The following PRKCE variants were observed in gnomAD, a reference collection of about 807,000 sequenced individuals.
PRKCE encodes protein kinase C epsilon, also known as protein kinase C epsilon type.
In PRKCE, 16 loss-of-function variants were observed where a neutral mutation model predicts 85.4. The ratio of observed to expected loss-of-function variants is 0.19; its 90% CI spans 0.13 to 0.28. PRKCE has a LOEUF of 0.28. Ranked by LOEUF, PRKCE falls within the 10% of genes least tolerant of loss-of-function variation. PRKCE has a pLI of 1.00. For synonymous variants in PRKCE, 388 were observed against 371.5 expected (o/e 1.04, Z -0.51); for missense variants, 573 against 975.2 (o/e 0.59, Z 5.49).
At chr2:45,880,152 A>G (rs1694774608) in intron 2 of PRKCE, among the ~76,000 whole-genome samples, 1 of 152,182 alleles carries the variant, frequency 6.6e-6, no homozygotes, top group South Asian at 2.1e-4. Flanking sequence ...TATTTCACTT[A>G]GTGTCCTCCA....
chr2:46,098,308 T>C (rs1221349587), intron 11 of PRKCE, among the ~76,000 whole-genome samples: 3 of 151,576 alleles, frequency 2.0e-5, no homozygotes, highest in Non-Finnish European at 4.4e-5. Context: ...ATCTGTTAAA[T>C]GGGGTTATTA....
chr2:45,798,456 C>CCATATACAAT (rs1687607950), intron 1 of PRKCE, among the ~76,000 whole-genome samples: 1 of 152,106 alleles, frequency 6.6e-6, no homozygotes, highest in Non-Finnish European at 1.5e-5. Flanking sequence ...CTCCTGTAGG[C>CCATATACAAT]GCTAAGGGAG....
intron 1 of PRKCE, among the ~76,000 whole-genome samples, chr2:45,733,797 C>A (rs1444398446): frequency 1.3e-5 from 2 of 152,228 alleles, no homozygotes; most frequent in Non-Finnish European, 2.9e-5. Flanking sequence ...CCAGGCATGG[C>A]TCTGCTGGTG....
intron 3 of PRKCE, chr2:45,978,130 A>G (rs1001554071): frequency 2.0e-5 from 3 of 152,326 alleles, no homozygotes; most frequent in Non-Finnish European, 2.9e-5. Context: ...TTCCAGCCAC[A>G]GATACTTCCA....
At chr2:46,143,149 C>T (rs979384194) in intron 11 of PRKCE, among the ~76,000 whole-genome samples, 1 of 152,168 alleles carries the variant, frequency 6.6e-6, no homozygotes, top group Non-Finnish European at 1.5e-5. Context: ...CACATGTGCT[C>T]CTCCTAACTC....
At chr2:45,993,800 G>C (rs1319676991) in intron 6 of PRKCE, among the ~76,000 whole-genome samples, 2 of 152,186 alleles carry the variant, frequency 1.3e-5, no homozygotes, top group Non-Finnish European at 2.9e-5. Context: ...TCTGGGCACA[G>C]TGCTGTTGCC....
At chr2:45,824,183 G>A (rs1453817048) in intron 1 of PRKCE, among the ~76,000 whole-genome samples, 2 of 152,216 alleles carry the variant, frequency 1.3e-5, no homozygotes, top group African/African-American at 4.8e-5. Context: ...GGGATAATTT[G>A]CAGGCTTCAG....
intron 13 of PRKCE, among the ~76,000 whole-genome samples, chr2:46,158,845 T>G (rs1677467790): frequency 6.6e-6 from 1 of 152,184 alleles, no homozygotes; most frequent in Non-Finnish European, 1.5e-5. Flanking sequence ...CTCAATTAAA[T>G]TAACGTTTAC....
At chr2:46,096,423 C>G (rs1394263540) in intron 11 of PRKCE, among the ~76,000 whole-genome samples, 1 of 152,122 alleles carries the variant, frequency 6.6e-6, no homozygotes, top group African/African-American at 2.4e-5. Flanking sequence ...TGTTGAAGCT[C>G]CAATCCCCAG....
intron 11 of PRKCE, among the ~76,000 whole-genome samples, chr2:46,142,155 C>T (rs1432517529): frequency 6.6e-6 from 1 of 152,118 alleles, no homozygotes; most frequent in East Asian, 1.9e-4. Flanking sequence ...CCACCTTCCA[C>T]CTCCACTGCA....
chr2:46,177,981 T>G (rs1679588407), intron 14 of PRKCE, among the ~76,000 whole-genome samples: 1 of 152,060 alleles, frequency 6.6e-6, no homozygotes, highest in Non-Finnish European at 1.5e-5. Flanking sequence ...AAAAAATGGC[T>G]GGGCATGGTG....
chr2:45,938,428 T>C (rs372590755), intron 2 of PRKCE, among the ~76,000 whole-genome samples: 32 of 152,172 alleles, frequency 2.1e-4, no homozygotes, highest in African/African-American at 7.2e-4. Context: ...TCTAGGACTA[T>C]CCTTAGTGAC....
intron 1 of PRKCE, among the ~76,000 whole-genome samples, chr2:45,708,434 T>C (rs1679310417): frequency 1.3e-5 from 2 of 152,174 alleles, no homozygotes; most frequent in African/African-American, 2.4e-5. Context: ...GGGCCAGGTC[T>C]TTCCCACGCT....
At chr2:45,952,917 A>G (rs1022391794) in intron 2 of PRKCE, among the ~76,000 whole-genome samples, 2 of 152,244 alleles carry the variant, frequency 1.3e-5, no homozygotes, top group African/African-American at 4.8e-5. Flanking sequence ...AAATAAAACT[A>G]TAGATCACAG....
chr2:45,893,802 C>A (rs138004258), intron 2 of PRKCE, among the ~76,000 whole-genome samples: 150 of 152,276 alleles, frequency 9.9e-4, no homozygotes, highest in African/African-American at 3.4e-3. Context: ...AGCCAGGCTT[C>A]CCAACTATGC....
chr2:45,967,443 C>T (rs1701807870), intron 2 of PRKCE, among the ~76,000 whole-genome samples: 1 of 152,118 alleles, frequency 6.6e-6, no homozygotes, highest in African/African-American at 2.4e-5. Context: ...AGTAGACCAG[C>T]AGAGGGAGAG....
intron 2 of PRKCE, among the ~76,000 whole-genome samples, chr2:45,967,061 G>A (rs561176696): frequency 1.3e-5 from 2 of 152,168 alleles, no homozygotes; most frequent in African/African-American, 2.4e-5. Flanking sequence ...AGGGCCAGGG[G>A]TGTGCTGGTG....
At chr2:45,821,981 G>A (rs1689571975) in intron 1 of PRKCE, among the ~76,000 whole-genome samples, 1 of 152,152 alleles carries the variant, frequency 6.6e-6, no homozygotes, top group African/African-American at 2.4e-5. Context: ...GCTTGAGGGG[G>A]CTTAGTGACT....
At chr2:45,867,115 A>T (rs775762494) in intron 2 of PRKCE, among the ~76,000 whole-genome samples, 6 of 152,214 alleles carry the variant, frequency 3.9e-5, no homozygotes, top group Non-Finnish European at 8.8e-5. Flanking sequence ...CACTGGGCTG[A>T]ATAGGTGTGC....
Sources: gnomAD v4.1 joint callset for allele counts (sites outside exome capture counted in the v4.1 genomes callset) on GRCh38, gnomAD v4.1.1 for gene constraint, MANE v1.5 for transcripts, NCBI Gene and HGNC (gene_info 2026-07-23, HGNC 2026-07-21) for gene names.